Variants in UBL3 observed in about 807,000 individuals in gnomAD.
UBL3 encodes ubiquitin like 3.
UBL3 carries 6 observed loss-of-function variants against 18.4 expected under a neutral mutation model. That is an observed-to-expected ratio of 0.33 (90% CI 0.18 to 0.64). The LOEUF (loss-of-function observed/expected upper bound fraction) is 0.64. Ranked by LOEUF, UBL3 falls within the 30% of genes least tolerant of loss-of-function variation. The pLI is 0.76. For synonymous variants in UBL3, 49 were observed against 46.6 expected, an observed-to-expected ratio of 1.05 and a Z score of -0.21; for missense variants, 109 against 142.9, an observed-to-expected ratio of 0.76 and a Z score of 1.21.
rs1397115226 is a variant in UBL3 at position 29,830,713 on chromosome 13, T to G, written c.27+18799A>C. ...TAATGCCTGTCCTGATTATATGCAG[T>G]AGCAAAGCAAAGGTATTTTGACAAT... On this transcript the variant is annotated intron_variant, in intron 1 of 4. Coordinates refer to ENST00000380680, the MANE Select transcript of UBL3 (RefSeq NM_007106.4). Among the ~76,000 whole-genome samples, 18 of 152,192 alleles carry G rather than the reference T, an allele frequency of 1.2e-4. 1 individual carries two copies. Among genetic ancestry groups the G allele is most frequent in the Non-Finnish European group, 2.9e-5 (2 of 68,042 alleles).
At chr13:29,804,480 C>T (rs548430653) in intron 1 of UBL3, among the ~76,000 whole-genome samples, 1 of 152,004 alleles carries the variant, frequency 6.6e-6, no homozygotes, top group East Asian at 1.9e-4. Flanking sequence ...AAAATTAGAG[C>T]TGAAATGAAG....
chr13:29,833,009 T>C (rs887582354), intron 1 of UBL3, among the ~76,000 whole-genome samples: 3 of 152,076 alleles, frequency 2.0e-5, no homozygotes, highest in East Asian at 1.9e-4. Flanking sequence ...AAAAGAAAGA[T>C]TATGGACAAG....
chr13:29,794,697 C>T (rs1032834535), intron 1 of UBL3, among the ~76,000 whole-genome samples: 1 of 152,234 alleles, frequency 6.6e-6, no homozygotes, highest in African/African-American at 2.4e-5. Context: ...AATGGGTCTT[C>T]CTGGGCACTG....
chr13:29,781,485 C>T lies in UBL3; in HGVS notation c.28-4222G>A, dbSNP rs1169436558. Among the ~76,000 whole-genome samples, 4 of 152,140 alleles carry T rather than the reference C, an allele frequency of 2.6e-5. No individual in the cohort carries two copies. In the South Asian group the frequency reaches 6.2e-4, roughly 24 times the overall value. The stretch of plus-strand genomic sequence containing the variant: ...AACTATTAATATTTTAAAAAGTTAA[C>T]GCTATCAAGTACTGTATCGGTATGG... On this transcript the variant is annotated intron_variant, in intron 1 of 4. Coordinates refer to ENST00000380680, the MANE Select transcript of UBL3 (RefSeq NM_007106.4).
intron 1 of UBL3, among the ~76,000 whole-genome samples, chr13:29,844,040 T>C (rs953224345): frequency 6.6e-6 from 1 of 152,250 alleles, no homozygotes; most frequent in African/African-American, 2.4e-5. Flanking sequence ...CAATAAGAAG[T>C]ATCATAGATT....
chr13:29,791,391 T>A (rs970296804), intron 1 of UBL3, among the ~76,000 whole-genome samples: 3 of 152,186 alleles, frequency 2.0e-5, no homozygotes, highest in Admixed American at 6.5e-5. Flanking sequence ...TAGGACCCTA[T>A]AAGACAGGTA....
At chr13:29,779,856 G>C (rs1294205547) in intron 1 of UBL3, among the ~76,000 whole-genome samples, 1 of 152,174 alleles carries the variant, frequency 6.6e-6, no homozygotes, top group African/African-American at 2.4e-5. Flanking sequence ...GTGTCTGGAG[G>C]ATAGGGTAAT....
intron 1 of UBL3, among the ~76,000 whole-genome samples, chr13:29,829,040 C>T (rs112831020): frequency 0.015 from 2,282 of 152,288 alleles, 57 homozygotes; most frequent in African/African-American, 0.051. Flanking sequence ...CTGGAAGCTT[C>T]GTCTCAGAGG....
chr13:29,815,439 G>C (rs1407394794), intron 1 of UBL3, among the ~76,000 whole-genome samples: 2 of 152,162 alleles, frequency 1.3e-5, no homozygotes, highest in African/African-American at 4.8e-5. Context: ...GATATTAAAA[G>C]TATTTTATCC....
At position 29,824,849 on chromosome 13, in the gene UBL3, T is replaced by C. The variant is rs569841260; in HGVS notation, c.27+24663A>G. 2.6e-5 allele frequency among the ~76,000 whole-genome samples: 4 copies of C among 152,346 alleles called. No individual in the cohort carries two copies. In the South Asian group the frequency reaches 8.3e-4, roughly 32 times the overall value. ...GTTTTTATGGTTTTAGGTCTAACAT[T>C]TAAATCTTTAATCCATCTTGAATTA... On this transcript the variant is annotated intron_variant, in intron 1 of 4. Transcript: ENST00000380680.
rs565282767 is a variant in UBL3 at position 29,800,368 on chromosome 13, A to C, written c.28-23105T>G. On this transcript the variant is annotated intron_variant, in intron 1 of 4. Coordinates refer to ENST00000380680, the MANE Select transcript of UBL3 (RefSeq NM_007106.4). ...AAGTTCTGATGGCCAATGAGTAGGC[A>C]GATTTGAGGAGAGAGAGGAGCACTT... Among the ~76,000 whole-genome samples, 139 of 152,316 alleles carry C rather than the reference A, an allele frequency of 9.1e-4. 1 individual carries two copies. Among genetic ancestry groups the C allele is most frequent in the African/African-American group, 3.3e-3 (137 of 41,570 alleles).
intron 1 of UBL3, among the ~76,000 whole-genome samples, chr13:29,800,324 C>G (rs1877726782): frequency 6.6e-6 from 1 of 152,106 alleles, no homozygotes; most frequent in Non-Finnish European, 1.5e-5. Flanking sequence ...TCCTCCTAAC[C>G]CTGACTGAAT....
intron 1 of UBL3, among the ~76,000 whole-genome samples, chr13:29,819,560 T>C (rs1878371982): frequency 6.6e-6 from 1 of 152,238 alleles, no homozygotes; most frequent in Non-Finnish European, 1.5e-5. Context: ...GCAGTTATAC[T>C]TTCTGTAATA....
intron 1 of UBL3, chr13:29,779,396 A>G (rs1877085416): frequency 4.0e-6 from 1 of 250,036 alleles, no homozygotes; most frequent in Non-Finnish European, 7.7e-6. Flanking sequence ...ACTAGAAAAA[A>G]TATAATTAAA....
intron 1 of UBL3, among the ~76,000 whole-genome samples, chr13:29,803,359 T>C (rs1479645533): frequency 6.6e-6 from 1 of 151,922 alleles, no homozygotes; most frequent in Non-Finnish European, 1.5e-5. Flanking sequence ...ACTGACACTA[T>C]AAAAGAATGA....
chr13:29,833,734 T>C (rs1878846028), intron 1 of UBL3, among the ~76,000 whole-genome samples: 1 of 152,206 alleles, frequency 6.6e-6, no homozygotes, highest in Non-Finnish European at 1.5e-5. Context: ...CTTACCACCA[T>C]CTAATATACA....
At chr13:29,785,797 C>A (rs74044708) in intron 1 of UBL3, among the ~76,000 whole-genome samples, 194 of 152,268 alleles carry the variant, frequency 1.3e-3, no homozygotes, top group African/African-American at 4.6e-3. Flanking sequence ...TTGAGGATCT[C>A]ATAACCTTGA....
intron 1 of UBL3, among the ~76,000 whole-genome samples, chr13:29,783,329 C>T (rs1416866447): frequency 1.3e-5 from 2 of 152,182 alleles, no homozygotes; most frequent in Non-Finnish European, 2.9e-5. Flanking sequence ...TTCAAACGGA[C>T]TAGGTTAATA....
At chr13:29,793,616 T>C (rs552098601) in intron 1 of UBL3, among the ~76,000 whole-genome samples, 2 of 152,320 alleles carry the variant, frequency 1.3e-5, no homozygotes, top group African/African-American at 4.8e-5. Flanking sequence ...TAATCAATGA[T>C]ATAGCCTATA....
Sources: allele counts gnomAD v4.1 joint callset (sites outside exome capture counted in the v4.1 genomes callset), GRCh38; gene constraint gnomAD v4.1.1; transcripts MANE v1.5; gene names NCBI Gene and HGNC (gene_info 2026-07-23, HGNC 2026-07-21).